DGKB: variants seen among roughly 807,000 people sequenced by gnomAD.
The protein encoded by DGKB is diacylglycerol kinase beta.
In DGKB, 67 loss-of-function variants were observed where a neutral mutation model predicts 114.3. That is an observed-to-expected ratio of 0.59 (90% confidence interval 0.48 to 0.72). The LOEUF is 0.72. Ranked by LOEUF, DGKB falls within the 30% of genes least tolerant of loss-of-function variation. DGKB has a pLI of 0.00. For missense variants in DGKB, 907 were observed against 975.2 expected (o/e 0.93, Z 0.93); for synonymous variants, 398 against 323.1 (o/e 1.23, Z -2.49).
At chr7:14,660,342 G>A (rs1259073642) in intron 13 of DGKB, among the ~76,000 whole-genome samples, 6 of 151,650 alleles carry the variant, frequency 4.0e-5, no homozygotes, top group South Asian at 2.1e-4. Context: ...GGTAGAATTC[G>A]GCTGTGAATC....
intron 13 of DGKB, among the ~76,000 whole-genome samples, chr7:14,671,148 T>C (rs529518892): frequency 5.3e-4 from 81 of 152,178 alleles, no homozygotes; most frequent in African/African-American, 1.9e-3. Context: ...CAAGATCTCA[T>C]TGAGAAGAAT....
intron 1 of DGKB, among the ~76,000 whole-genome samples, chr7:14,913,602 G>T (rs762939700): frequency 6.6e-6 from 1 of 151,750 alleles, no homozygotes; most frequent in African/African-American, 2.4e-5. Context: ...GTGATAATAG[G>T]AAAAGTAGGT....
At chr7:14,813,065 GAAAAAGTAGACTTTTCTCTAACTTTTTC>G (rs1843649241) in intron 2 of DGKB, among the ~76,000 whole-genome samples, 1 of 152,076 alleles carries the variant, frequency 6.6e-6, no homozygotes. Context: ...AAAATCCTGA[GAAAAAGTAGACTTTTCTCTAACTTTTTC>G]AATGCCATAT....
chr7:14,242,687 A>C (rs1453805509), intron 23 of DGKB, among the ~76,000 whole-genome samples: 1 of 91,320 alleles, frequency 1.1e-5, no homozygotes, highest in Admixed American at 1.1e-4. Flanking sequence ...TTCTTATAAG[A>C]TAAGTCATAA....
intron 23 of DGKB, among the ~76,000 whole-genome samples, chr7:14,264,206 T>C (rs1386249701): frequency 6.6e-6 from 1 of 152,212 alleles, no homozygotes; most frequent in African/African-American, 2.4e-5. Context: ...CTGTTCTTTA[T>C]TGTATGATGA....
chr7:14,835,314 T>A, intron 2 of DGKB, among the ~76,000 whole-genome samples: 1 of 152,188 alleles, frequency 6.6e-6, no homozygotes, highest in East Asian at 1.9e-4. Context: ...GCCACCACTA[T>A]CACAATCCTA....
intron 16 of DGKB, among the ~76,000 whole-genome samples, chr7:14,608,623 C>A (rs1260881612): frequency 6.6e-6 from 1 of 151,836 alleles, no homozygotes; most frequent in East Asian, 1.9e-4. Flanking sequence ...GGTATCCAAA[C>A]AAGAAAATAA....
rs1037867371 is a variant in DGKB, at chr7:14,656,286, C to T, written c.1134+16643G>A. On this transcript the variant is annotated intron_variant, in intron 13 of 25. Coordinates refer to ENST00000402815, the MANE Select transcript of DGKB (RefSeq NM_001350709.2). ...TTTTGATTTGTGGGACTATATATTT[C>T]ACAGCAATTTCAATGTACCTTCTAG... 4.9e-4 allele frequency among the ~76,000 whole-genome samples: 74 copies of T among 151,464 alleles called. 2 individuals carry two copies. The highest frequency in any genetic ancestry group is 1.0e-4 in the Non-Finnish European group (7 of 67,670).
At chr7:14,771,449 G>A (rs1375240955) in intron 2 of DGKB, among the ~76,000 whole-genome samples, 1 of 152,098 alleles carries the variant, frequency 6.6e-6, no homozygotes, top group African/African-American at 2.4e-5. Context: ...TGCTGGTGAT[G>A]TAGTATCTAA....
At chr7:14,154,796 CA>C (rs1459625706) in intron 25 of DGKB, among the ~76,000 whole-genome samples, 1 of 148,270 alleles carries the variant, frequency 6.7e-6, no homozygotes, top group Non-Finnish European at 1.5e-5. Flanking sequence ...TCTGTTGACA[CA>C]GAAAAAAGGA....
At chr7:14,560,717 TAGTC>T in intron 20 of DGKB, among the ~76,000 whole-genome samples, 1 of 152,326 alleles carries the variant, frequency 6.6e-6, no homozygotes, top group African/African-American at 2.4e-5. Flanking sequence ...TCCTTTTAGA[TAGTC>T]AGGAGTGGAA....
intron 25 of DGKB, among the ~76,000 whole-genome samples, chr7:14,155,954 T>G (rs1782954340): frequency 6.6e-6 from 1 of 152,110 alleles, no homozygotes; most frequent in African/African-American, 2.4e-5. Flanking sequence ...TATAACAATG[T>G]CAGCAATTGA....
intron 23 of DGKB, among the ~76,000 whole-genome samples, chr7:14,222,557 G>A (rs1212425099): frequency 6.6e-6 from 1 of 151,266 alleles, no homozygotes; most frequent in East Asian, 1.9e-4. Flanking sequence ...GGTCTATCCT[G>A]GAGAATGTTT....
At chr7:14,665,456 C>A (rs1041260728) in intron 13 of DGKB, among the ~76,000 whole-genome samples, 4 of 151,904 alleles carry the variant, frequency 2.6e-5, no homozygotes, top group Non-Finnish European at 5.9e-5. Context: ...ATCTGTACAA[C>A]AAGCCCCCGT....
rs1370334260 is a variant in DGKB, at chr7:14,493,928, AC to A, written c.1771-15704del. Among the ~76,000 whole-genome samples the A allele has an allele frequency of 2.0e-3, 262 of 132,676 alleles. 2 individuals carry two copies. Among genetic ancestry groups the A allele is most frequent in the African/African-American group, 6.6e-3 (219 of 33,320 alleles). The allele number at this position is 132,676 out of a possible 152,430, so 87.0% of individuals were successfully genotyped here. ...TACCATGGCTATCATGGTATCATACACACACACACACACACACACACACACA... is the reference window on the plus strand; with the variant it reads ...TACCATGGCTATCATGGTATCATACAACACACACACACACACACACACACA... On this transcript the variant is annotated intron_variant, in intron 20 of 25. Transcript: ENST00000402815.
At chr7:14,151,764 A>G (rs886757739) in intron 25 of DGKB, among the ~76,000 whole-genome samples, 44 of 152,236 alleles carry the variant, frequency 2.9e-4, no homozygotes, top group African/African-American at 1.0e-3. Context: ...ACGAGAACCA[A>G]TTGGTTGTAT....
intron 4 of DGKB, among the ~76,000 whole-genome samples, chr7:14,750,408 G>A (rs571687000): frequency 2.9e-4 from 44 of 152,250 alleles, no homozygotes; most frequent in African/African-American, 1.1e-3. Flanking sequence ...TGAAAACGTT[G>A]TGTTGACTGT....
At chr7:14,374,655 G>C (rs1460382512) in intron 21 of DGKB, among the ~76,000 whole-genome samples, 1 of 152,138 alleles carries the variant, frequency 6.6e-6, no homozygotes, top group South Asian at 2.1e-4. Flanking sequence ...ATGATAATAA[G>C]AGCTAGTCGC....
chr7:14,733,610 T>A (rs909972594), intron 5 of DGKB, among the ~76,000 whole-genome samples: 1 of 151,732 alleles, frequency 6.6e-6, no homozygotes, highest in Non-Finnish European at 1.5e-5. Flanking sequence ...ATCTCTTGAA[T>A]CCAGAAGGCA....
Sources: gnomAD v4.1 joint callset for allele counts (sites outside exome capture counted in the v4.1 genomes callset) on GRCh38, gnomAD v4.1.1 for gene constraint, MANE v1.5 for transcripts, NCBI Gene and HGNC (gene_info 2026-07-23, HGNC 2026-07-21) for gene names.